The following EIF3D variants were observed in gnomAD, a reference collection of about 807,000 sequenced individuals.
The protein encoded by EIF3D is eIF3 p66.
EIF3D carries 10 observed loss-of-function variants against 75.4 expected under a neutral mutation model. The observed-to-expected ratio is 0.13, with a 90% CI of 0.08 to 0.22. EIF3D has a LOEUF of 0.22. Ranked by LOEUF, EIF3D falls within the 10% of genes least tolerant of loss-of-function variation. The pLI, the probability that EIF3D is intolerant of heterozygous loss-of-function variation, is 1.00. For synonymous variants in EIF3D, 246 were observed against 248.3 expected (o/e 0.99, Z 0.09); for missense variants, 394 against 708.0 (o/e 0.56, Z 5.03).
intron 9 of EIF3D, among the ~76,000 whole-genome samples, chr22:36,517,889 A>G (rs1333348195): frequency 6.6e-6 from 1 of 151,932 alleles, no homozygotes; most frequent in Non-Finnish European, 1.5e-5. Flanking sequence ...CTGGGATTAC[A>G]TGTGTCCACC....
At chr22:36,523,779 T>C in intron 5 of EIF3D, 116 bp downstream of exon 5, 1 of 976,440 alleles carries the variant, frequency 1.0e-6, no homozygotes, top group South Asian at 1.3e-5. Flanking sequence ...TTGTAGAAAG[T>C]ATTTTCCTTT....
chr22:36,512,734 ATT>A (rs1934360024), intron 12 of EIF3D, 132 bp from the exon 13 acceptor site: 1 of 1,032,046 alleles, frequency 9.7e-7, no homozygotes, highest in Admixed American at 2.9e-5. Flanking sequence ...AAATCTTACC[ATT>A]TAAGAGACAA....
At chr22:36,513,585 G>A (rs1314720437) in intron 12 of EIF3D, among the ~76,000 whole-genome samples, 1 of 152,224 alleles carries the variant, frequency 6.6e-6, no homozygotes, top group Admixed American at 6.5e-5. Flanking sequence ...TTACAGGCGT[G>A]AGCCACCGTG....
chr22:36,523,450 G>A (rs1934547175), intron 5 of EIF3D, among the ~76,000 whole-genome samples, 169 bp from the exon 6 acceptor site: 1 of 152,228 alleles, frequency 6.6e-6, no homozygotes, highest in Non-Finnish European at 1.5e-5. Context: ...CATACTGGAG[G>A]TGTTAGAAAA....
intron 9 of EIF3D, 83 bp from the exon 10 acceptor site, chr22:36,517,514 GCAAACAA>G: frequency 6.9e-7 from 1 of 1,447,088 alleles, no homozygotes. Flanking sequence ...ATGTGGAGAG[GCAAACAA>G]CACAAGTCCT....
At chr22:36,515,759 TAACACAGACGGCAAAAC>T (rs1184406743) in intron 12 of EIF3D, among the ~76,000 whole-genome samples, 3 of 151,824 alleles carry the variant, frequency 2.0e-5, no homozygotes, top group African/African-American at 7.3e-5. Context: ...AGTAACGCGG[TAACACAGACGGCAAAAC>T]GACACAGGCA....
intron 1 of EIF3D, among the ~76,000 whole-genome samples, chr22:36,528,421 T>TA (rs934587032): frequency 3.5e-4 from 40 of 113,384 alleles, no homozygotes; most frequent in Non-Finnish European, 6.2e-4. Flanking sequence ...TTAATAAATG[T>TA]TTTTTTTTTT....
intron 2 of EIF3D, 93 bp downstream of exon 2, chr22:36,525,906 G>A: frequency 6.6e-7 from 1 of 1,518,968 alleles, no homozygotes; most frequent in Non-Finnish European, 8.8e-7. Context: ...AGAAATTCAG[G>A]AGTTAAGATT....
intron 5 of EIF3D, 55 bp from the exon 6 acceptor site, chr22:36,523,336 A>C: frequency 1.5e-6 from 2 of 1,377,958 alleles, no homozygotes; most frequent in African/African-American, 1.4e-5. Context: ...TGGCTTCTTC[A>C]AAAGGCACAC....
At position 36,519,673 on chromosome 22, in the gene EIF3D, C is replaced by A. The variant is rs1055115970; in HGVS notation, c.579-136G>T. The A allele has an allele frequency of 3.2e-5, 39 of 1,224,942 alleles. No individual in the cohort carries two copies. The South Asian group carries it at 5.7e-4, about 18-fold the overall frequency. 75.9% of individuals were successfully genotyped at this position (1,224,942 alleles called of 1,614,324 possible). A position where few individuals can be genotyped will look rare whatever the true frequency, so the allele number is the denominator to read the frequency against. On this transcript the variant is annotated intron_variant, in intron 7 of 14. Coordinates refer to ENST00000216190, the MANE Select transcript of EIF3D (RefSeq NM_003753.4). ...CAATCTCTGGCCAGAGCAGGAGAGA[C>A]GAATCCTCAGTGCTTGCTCAGTTCC...
chr22:36,522,836 C>A (rs1934535425), intron 6 of EIF3D, among the ~76,000 whole-genome samples: 1 of 152,152 alleles, frequency 6.6e-6, no homozygotes, highest in South Asian at 2.1e-4. Flanking sequence ...CTCTGTTGCA[C>A]CCTGCTCCCG....
At position 36,512,581 on chromosome 22, in the gene EIF3D, G is replaced by A; in HGVS notation, c.1228C>T (p.Arg410Cys). The change falls in exon 13 of 15, where the codon CGT becomes TGT. Residue 410 changes from arginine (R) to cysteine (C), a missense_variant. Transcript: ENST00000216190. ...CCTCGCTGAGAGTCCAGCTTCTGACGCCAGTCAACGCCATTACAGTGCTGC... is the reference window on the plus strand; with the variant it reads ...CCTCGCTGAGAGTCCAGCTTCTGACACCAGTCAACGCCATTACAGTGCTGC... ...DSRHCNGVDW[R>C]QKLDSQRGAV... 1 of 1,614,016 alleles carries A rather than the reference G, an allele frequency of 6.2e-7. No homozygotes were observed. Among genetic ancestry groups the A allele is most frequent in the Non-Finnish European group, 8.5e-7 (1 of 1,179,958 alleles).
rs1348791641 is a variant in EIF3D, at chr22:36,528,593, C to CGGGGGGG, written c.-11+482_-11+483insCCCCCCC. 50 of 119,552 alleles carry CGGGGGGG rather than the reference C, an allele frequency of 4.2e-4. 1 individual carries two copies. Among genetic ancestry groups the CGGGGGGG allele is most frequent in the African/African-American group, 2.5e-3 (48 of 18,962 alleles). The allele number at this position is 119,552 out of a possible 1,614,324, so 7.4% of individuals were successfully genotyped here. A position where few individuals can be genotyped will look rare whatever the true frequency, so the allele number is the denominator to read the frequency against. ...AGATCATAAGCCGTCCATCGCTGAACAGGGGGTGGGGTAGATTTAAGATCA... is the reference window on the plus strand; with the variant it reads ...AGATCATAAGCCGTCCATCGCTGAACGGGGGGGAGGGGGTGGGGTAGATTTAAGATCA... On this transcript the variant is annotated intron_variant, in intron 1 of 14. Coordinates refer to ENST00000216190, the MANE Select transcript of EIF3D (RefSeq NM_003753.4).
chr22:36,516,550 A>G lies in EIF3D; in HGVS notation c.1134T>C (p.Asp378=). The change falls in exon 12 of 15, where the codon GAT becomes GAC. Residue 378 remains aspartate, a synonymous_variant. Transcript: ENST00000216190. Reference sequence around the variant, plus strand: ...CCCCGTTGGCTCCAGTCATGACGCCATCGTGCTCACAACGGACAATAAGGT... The same window carrying G: ...CCCCGTTGGCTCCAGTCATGACGCCGTCGTGCTCACAACGGACAATAAGGT... The part of the protein sequence containing the change: ...DIDLIVRCEH[D]GVMTGANGEV... 1 of 1,614,190 alleles carries G rather than the reference A, an allele frequency of 6.2e-7. No homozygotes were observed. Among genetic ancestry groups the G allele is most frequent in the Non-Finnish European group, 8.5e-7 (1 of 1,180,036 alleles).
At chr22:36,520,747 AAGAC>A (rs1339249065) in intron 6 of EIF3D, 59 bp from the exon 7 acceptor site, 1 of 1,234,086 alleles carries the variant, frequency 8.1e-7, no homozygotes, top group Non-Finnish European at 1.2e-6. Context: ...ACATAAATAA[AAGAC>A]AGGCTAAAAA....
intron 8 of EIF3D, 67 bp from the exon 9 acceptor site, chr22:36,518,977 T>G: frequency 6.3e-7 from 1 of 1,587,152 alleles, no homozygotes; most frequent in Non-Finnish European, 8.6e-7. Context: ...CTCACATGGA[T>G]GGGAAAGAAC....
intron 12 of EIF3D, among the ~76,000 whole-genome samples, chr22:36,513,286 G>A (rs955574605): frequency 1.3e-5 from 2 of 152,126 alleles, no homozygotes; most frequent in African/African-American, 4.8e-5. Flanking sequence ...AAATACTCAA[G>A]AATTTCTTTT....
At position 36,522,338 on chromosome 22, in the gene EIF3D, G is replaced by C. The variant is rs570914099; in HGVS notation, c.465+871C>G. Among the ~76,000 whole-genome samples, 3 of 152,276 alleles carry C rather than the reference G, an allele frequency of 2.0e-5. No individual in the cohort carries two copies. In the South Asian group the frequency reaches 6.2e-4, roughly 32 times the overall value. ...CCACTGCACTCCAGCCTGGGTGACA[G>C]AGCAAGACTCTGTCTCAAAAAAGAA... is the stretch of plus-strand genomic sequence containing the variant. On this transcript the variant is annotated intron_variant, in intron 6 of 14. Coordinates refer to ENST00000216190, the MANE Select transcript of EIF3D (RefSeq NM_003753.4).
At chr22:36,522,451 G>T (rs12168819) in intron 6 of EIF3D, among the ~76,000 whole-genome samples, 9,760 of 152,268 alleles carry the variant, frequency 0.064, 443 homozygotes, top group African/African-American at 0.14. Context: ...CAGGCCGAAT[G>T]TGGGACTTGA....
Sources: gnomAD v4.1 joint callset for allele counts (sites outside exome capture counted in the v4.1 genomes callset) on GRCh38, gnomAD v4.1.1 for gene constraint, MANE v1.5 for transcripts, NCBI Gene and HGNC (gene_info 2026-07-23, HGNC 2026-07-21) for gene names.